PALLD: variants seen among roughly 807,000 people sequenced by gnomAD.
PALLD encodes the protein palladin.
PALLD carries 61 observed loss-of-function variants against 123.5 expected under a neutral mutation model. That is an observed-to-expected ratio of 0.49 (90% CI 0.40 to 0.61). The LOEUF is 0.61. PALLD is among the 20% of genes least tolerant of loss of function. PALLD has a pLI of 0.00. For synonymous variants in PALLD, 465 were observed against 496.4 expected, an observed-to-expected ratio of 0.94 and a Z score of 0.84; for missense variants, 1,273 against 1,377.0, an observed-to-expected ratio of 0.92 and a Z score of 1.20.
Position 168,798,506 on chromosome 4 carries a change from C to T in PALLD, c.1964+86583C>T, listed in dbSNP as rs2102088. On this transcript the variant is annotated intron_variant, in intron 10 of 21. Coordinates refer to ENST00000505667, the MANE Select transcript of PALLD (RefSeq NM_001166108.2). ...AAGGCATTTGGTAAAATTTTCTTAC[C>T]GCTTCTACTATAATATCTATTTCTC... Among the ~76,000 whole-genome samples, 5 of 152,002 alleles carry T rather than the reference C, an allele frequency of 3.3e-5. 1 individual carries two copies. In the South Asian group the frequency reaches 6.2e-4, roughly 19 times the overall value.
At chr4:168,894,378 ATT>A (rs1581955162) in intron 11 of PALLD, 199 bp from the exon 12 acceptor site, 1 of 593,018 alleles carries the variant, frequency 1.7e-6, no homozygotes, top group East Asian at 3.0e-5. Flanking sequence ...GGCTCTCTGG[ATT>A]AGGCCATTAG....
At chr4:168,697,361 A>G (rs1783231601) in intron 8 of PALLD, among the ~76,000 whole-genome samples, 1 of 152,270 alleles carries the variant, frequency 6.6e-6, no homozygotes. Flanking sequence ...AGGAGATCAC[A>G]TAGAAGCAAG....
chr4:168,544,332 G>A (rs1405668115), intron 2 of PALLD, among the ~76,000 whole-genome samples: 3 of 152,272 alleles, frequency 2.0e-5, no homozygotes, highest in African/African-American at 7.2e-5. Context: ...CATAGGCCCT[G>A]TGGATATCAA....
At chr4:168,749,602 G>T (rs1275945964) in intron 10 of PALLD, among the ~76,000 whole-genome samples, 2 of 152,108 alleles carry the variant, frequency 1.3e-5, no homozygotes, top group African/African-American at 4.8e-5. Context: ...TACTCAGAAG[G>T]CTAAGGCAGG....
At chr4:168,590,008 A>C (rs1478290099) in intron 2 of PALLD, among the ~76,000 whole-genome samples, 1 of 152,224 alleles carries the variant, frequency 6.6e-6, no homozygotes, top group Admixed American at 6.5e-5. Context: ...CAGGATTGGC[A>C]CACTTAAAAG....
chr4:168,882,971 T>A (rs1473662416), intron 10 of PALLD, among the ~76,000 whole-genome samples: 3 of 151,964 alleles, frequency 2.0e-5, no homozygotes, highest in Admixed American at 6.5e-5. Flanking sequence ...GCACCTGTAG[T>A]CCCAGCTACT....
intron 10 of PALLD, among the ~76,000 whole-genome samples, chr4:168,809,118 C>T (rs1298742701): frequency 6.6e-6 from 1 of 152,110 alleles, no homozygotes; most frequent in Non-Finnish European, 1.5e-5. Context: ...TTCTCATTCA[C>T]TTTACAGGGA....
At chr4:168,862,992 C>A (rs1346464763) in intron 10 of PALLD, among the ~76,000 whole-genome samples, 1 of 152,174 alleles carries the variant, frequency 6.6e-6, no homozygotes, top group Non-Finnish European at 1.5e-5. Context: ...TGAGGCCACC[C>A]ACACCTTCTC....
intron 17 of PALLD, among the ~76,000 whole-genome samples, chr4:168,917,048 G>GT (rs1422649296): frequency 2.1e-5 from 3 of 143,372 alleles, no homozygotes; most frequent in Non-Finnish European, 1.5e-5. Context: ...GTTTTTTTGG[G>GT]GTTTTTTTTT....
At chr4:168,849,348 T>C (rs1358866529) in intron 10 of PALLD, among the ~76,000 whole-genome samples, 1 of 152,248 alleles carries the variant, frequency 6.6e-6, no homozygotes, top group Non-Finnish European at 1.5e-5. Flanking sequence ...CCAGATCAGA[T>C]TTTTGTCATT....
At chr4:168,587,635 G>A (rs1159483170) in intron 2 of PALLD, among the ~76,000 whole-genome samples, 1 of 152,072 alleles carries the variant, frequency 6.6e-6, no homozygotes, top group African/African-American at 2.4e-5. Flanking sequence ...CATGGCTAAG[G>A]TTATCCCTGG....
At chr4:168,659,669 A>G (rs1322657842) in intron 2 of PALLD, among the ~76,000 whole-genome samples, 1 of 152,222 alleles carries the variant, frequency 6.6e-6, no homozygotes, top group Non-Finnish European at 1.5e-5. Context: ...GGCTTTTAAC[A>G]TTTACCATTT....
chr4:168,737,289 C>T (rs932181131), intron 10 of PALLD, among the ~76,000 whole-genome samples: 5 of 152,130 alleles, frequency 3.3e-5, no homozygotes, highest in Non-Finnish European at 5.9e-5. Flanking sequence ...CATTTGGGGC[C>T]TCTTTTTTTT....
In PALLD at chr4:168,681,395, C is replaced by T; in HGVS notation, c.1151C>T (p.Pro384Leu). The change falls in exon 4 of 22, where the codon CCA becomes CTA. Residue 384 changes from proline to leucine, a missense_variant. Coordinates refer to ENST00000505667, the MANE Select transcript of PALLD (RefSeq NM_001166108.2). ...TTCAAATCAAGAGCTGGAGCTATGCCACAGTAAGTGCCTACAATTCCATCG... is the reference window on the plus strand; with the variant it reads ...TTCAAATCAAGAGCTGGAGCTATGCTACAGTAAGTGCCTACAATTCCATCG... ...LAFKSRAGAM[P>L]QAQKKTTSVS... The T allele has an allele frequency of 6.3e-7, 1 of 1,589,388 alleles. No homozygotes were observed.
chr4:168,670,560 C>T (rs1418380100), intron 3 of PALLD, among the ~76,000 whole-genome samples: 1 of 149,512 alleles, frequency 6.7e-6, no homozygotes, highest in African/African-American at 2.5e-5. Flanking sequence ...GGTGAAACCC[C>T]GTCTCTACTA....
chr4:168,894,498 G>C, intron 11 of PALLD, 81 bp from the exon 12 acceptor site: 2 of 844,276 alleles, frequency 2.4e-6, no homozygotes, highest in Admixed American at 3.9e-5. Context: ...AAAGTGTGTT[G>C]TTTTTTACTC....
intron 2 of PALLD, among the ~76,000 whole-genome samples, chr4:168,526,478 C>T (rs1764058633): frequency 6.6e-6 from 1 of 152,126 alleles, no homozygotes; most frequent in South Asian, 2.1e-4. Context: ...CATCTTCTCT[C>T]TCTCACATCC....
intron 10 of PALLD, among the ~76,000 whole-genome samples, chr4:168,845,337 G>A (rs1746675507): frequency 6.6e-6 from 1 of 152,122 alleles, no homozygotes. Context: ...TTTTCCAATA[G>A]CATCATCTGT....
Position 168,645,759 on chromosome 4 carries a change from G to T in PALLD, c.909-22431G>T, listed in dbSNP as rs564683574. 9.9e-5 allele frequency among the ~76,000 whole-genome samples: 15 copies of T among 152,270 alleles called. No individual in the cohort carries two copies. In the South Asian group the frequency reaches 3.1e-3, roughly 32 times the overall value. On this transcript the variant is annotated intron_variant, in intron 2 of 21. Transcript: ENST00000505667. ...CTCTTGTAAGCTTATTAAAGGAGCTGTGCAGAGTGAGACCATGAAACAGAT... is the reference window on the plus strand; with the variant it reads ...CTCTTGTAAGCTTATTAAAGGAGCTTTGCAGAGTGAGACCATGAAACAGAT...
Sources: allele counts gnomAD v4.1 joint callset (sites outside exome capture counted in the v4.1 genomes callset), GRCh38; gene constraint gnomAD v4.1.1; transcripts MANE v1.5; gene names NCBI Gene and HGNC (gene_info 2026-07-23, HGNC 2026-07-21).